Variants in RBFOX1 observed in about 807,000 individuals in gnomAD.
The protein encoded by RBFOX1 is RNA binding protein fox-1 homolog 1.
Under a neutral mutation model 57.7 loss-of-function variants are expected in RBFOX1, and 8 were observed. That is an observed-to-expected ratio of 0.14 (90% confidence interval 0.08 to 0.25). The LOEUF (loss-of-function observed/expected upper bound fraction) is 0.25, where lower values mean the gene tolerates loss of function less well. RBFOX1 is among the 10% of genes least tolerant of loss of function. RBFOX1 has a pLI of 1.00. For synonymous variants in RBFOX1, 326 were observed against 222.4 expected, an observed-to-expected ratio of 1.47 and a Z score of -4.15; for missense variants, 611 against 548.5, an observed-to-expected ratio of 1.11 and a Z score of -1.14.
chr16:7,506,048 G>A (rs1250654507), intron 4 of RBFOX1, among the ~76,000 whole-genome samples: 1 of 151,840 alleles, frequency 6.6e-6, no homozygotes, highest in African/African-American at 2.4e-5. Context: ...AGCCGGGCAT[G>A]GTGACGGGTA....
At chr16:6,509,144 T>C (rs1003346706) in intron 2 of RBFOX1, among the ~76,000 whole-genome samples, 1 of 152,206 alleles carries the variant, frequency 6.6e-6, no homozygotes, top group Non-Finnish European at 1.5e-5. Flanking sequence ...TAAGTAACCC[T>C]TAACCTTTAA....
intron 3 of RBFOX1, among the ~76,000 whole-genome samples, chr16:7,026,590 C>T (rs937811280): frequency 4.9e-4 from 75 of 152,212 alleles, no homozygotes; most frequent in African/African-American, 1.4e-3. Flanking sequence ...GCAGCTGTGG[C>T]GTTTCTGCAC....
At chr16:6,182,801 A>G (rs770764522) in intron 1 of RBFOX1, among the ~76,000 whole-genome samples, 1 of 152,236 alleles carries the variant, frequency 6.6e-6, no homozygotes, top group South Asian at 2.1e-4. Context: ...TGAATATAGT[A>G]TAGTACTATT....
chr16:6,696,081 T>C (rs895166956), intron 3 of RBFOX1, among the ~76,000 whole-genome samples: 1 of 152,170 alleles, frequency 6.6e-6, no homozygotes, highest in East Asian at 1.9e-4. Context: ...ACTGTGAAAA[T>C]TGAATTAAAT....
intron 1 of RBFOX1, among the ~76,000 whole-genome samples, chr16:6,232,157 C>A (rs2097466970): frequency 6.6e-6 from 1 of 152,160 alleles, no homozygotes; most frequent in South Asian, 2.1e-4. Context: ...TTTGCAAGGG[C>A]AGCAGCATAA....
chr16:6,243,705 C>G (rs1420380052), intron 1 of RBFOX1, among the ~76,000 whole-genome samples: 1 of 152,174 alleles, frequency 6.6e-6, no homozygotes, highest in East Asian at 1.9e-4. Flanking sequence ...GGATGAGAAC[C>G]TGGTTCAGCC....
At chr16:6,852,906 A>C (rs193259607) in intron 3 of RBFOX1, among the ~76,000 whole-genome samples, 5 of 152,308 alleles carry the variant, frequency 3.3e-5, no homozygotes, top group Non-Finnish European at 5.9e-5. Flanking sequence ...CACAAGGTGC[A>C]TGCTGGGAAC....
chr16:7,175,165 G>A (rs762888872), intron 4 of RBFOX1, among the ~76,000 whole-genome samples: 6 of 151,974 alleles, frequency 3.9e-5, no homozygotes, highest in African/African-American at 1.4e-4. Flanking sequence ...AGCCCAGCAT[G>A]CATTAGCTCT....
chr16:5,286,207 G>C (rs1443790914), intron 1 of RBFOX1, among the ~76,000 whole-genome samples: 1 of 152,178 alleles, frequency 6.6e-6, no homozygotes, highest in East Asian at 1.9e-4. Flanking sequence ...GTGTATGTGG[G>C]CACTGATGAT....
intron 3 of RBFOX1, among the ~76,000 whole-genome samples, chr16:6,804,770 GC>G (rs1219296777): frequency 6.6e-6 from 1 of 152,122 alleles, no homozygotes; most frequent in African/African-American, 2.4e-5. Flanking sequence ...TGGATTGGGG[GC>G]CGTTCCCTAC....
chr16:7,591,547 G>C (rs1001082147), intron 7 of RBFOX1, among the ~76,000 whole-genome samples: 2 of 152,164 alleles, frequency 1.3e-5, no homozygotes, highest in African/African-American at 4.8e-5. Context: ...AGTCACGTTG[G>C]TCTGGCAATC....
At chr16:6,768,791 C>A (rs779864435) in intron 3 of RBFOX1, among the ~76,000 whole-genome samples, 3 of 147,950 alleles carry the variant, frequency 2.0e-5, no homozygotes, top group Admixed American at 6.8e-5. Context: ...TGCAATGGGG[C>A]GAACTCAGCT....
At chr16:5,820,361 G>T (rs866869187) in intron 3 of RBFOX1, among the ~76,000 whole-genome samples, 1 of 152,168 alleles carries the variant, frequency 6.6e-6, no homozygotes, top group African/African-American at 2.4e-5. Flanking sequence ...TCCTGCAAGG[G>T]GGGAGGCAGG....
intron 4 of RBFOX1, among the ~76,000 whole-genome samples, chr16:7,198,802 A>G (rs761686325): frequency 1.3e-5 from 2 of 152,290 alleles, no homozygotes; most frequent in South Asian, 4.1e-4. Context: ...CACTGTTGCA[A>G]TGGATATTAA....
intron 4 of RBFOX1, among the ~76,000 whole-genome samples, chr16:6,005,308 G>A (rs1395096982): frequency 6.6e-6 from 1 of 152,190 alleles, no homozygotes; most frequent in Non-Finnish European, 1.5e-5. Flanking sequence ...CTTGGATAAT[G>A]TTTCATAAGC....
chr16:7,456,873 C>G (rs933276824), intron 4 of RBFOX1, among the ~76,000 whole-genome samples: 1 of 151,676 alleles, frequency 6.6e-6, no homozygotes, highest in Non-Finnish European at 1.5e-5. Context: ...GGGTATTCTT[C>G]CACTCGGAAG....
intron 3 of RBFOX1, among the ~76,000 whole-genome samples, chr16:5,788,201 C>T (rs544196294): frequency 2.0e-5 from 3 of 152,204 alleles, no homozygotes; most frequent in South Asian, 2.1e-4. Flanking sequence ...TGCTGTTGGC[C>T]GGTAGTTTAT....
intron 3 of RBFOX1, among the ~76,000 whole-genome samples, chr16:6,727,563 A>G (rs2067533369): frequency 6.6e-6 from 1 of 152,100 alleles, no homozygotes; most frequent in African/African-American, 2.4e-5. Context: ...AACCGTACAA[A>G]CAGCTCTTGG....
At chr16:6,484,811 C>G (rs765174578) in intron 2 of RBFOX1, among the ~76,000 whole-genome samples, 28 of 152,170 alleles carry the variant, frequency 1.8e-4, no homozygotes, top group Non-Finnish European at 2.9e-4. Context: ...AAAAGAGTCA[C>G]TTTCTGAGTG....
Sources: allele counts gnomAD v4.1 joint callset (sites outside exome capture counted in the v4.1 genomes callset), GRCh38; gene constraint gnomAD v4.1.1; transcripts MANE v1.5; gene names NCBI Gene and HGNC (gene_info 2026-07-23, HGNC 2026-07-21).